The following CAPN8 variants were observed in gnomAD, a reference collection of about 807,000 sequenced individuals.
CAPN8 encodes the protein calpain 8, also known as calpain-8.
In CAPN8, 87 loss-of-function variants were observed where a neutral mutation model predicts 80.9. That is an observed-to-expected ratio of 1.07 (90% confidence interval 0.90 to 1.28). CAPN8 has a LOEUF of 1.28. CAPN8 is among the 50% of genes most tolerant of loss of function. The pLI is 0.00. For synonymous variants in CAPN8, 299 were observed against 273.8 expected (o/e 1.09, Z -0.91); for missense variants, 757 against 702.0 (o/e 1.08, Z -0.89).
chr1:223,612,810 T>C (rs1657065936), intron 10 of CAPN8, among the ~76,000 whole-genome samples: 1 of 152,142 alleles, frequency 6.6e-6, no homozygotes, highest in Non-Finnish European at 1.5e-5. Context: ...TATTAGGGAA[T>C]GAAGAAATCT....
intron 1 of CAPN8, among the ~76,000 whole-genome samples, chr1:223,656,676 GTTTTGTT>G (rs1163229346): frequency 2.3e-5 from 2 of 88,338 alleles, no homozygotes; most frequent in Non-Finnish European, 4.6e-5. Context: ...GGGTTTTTTT[GTTTTGTT>G]TTTTTTTTTT....
At chr1:223,634,568 T>C (rs1236668028) in intron 2 of CAPN8, among the ~76,000 whole-genome samples, 3 of 152,206 alleles carry the variant, frequency 2.0e-5, no homozygotes, top group Non-Finnish European at 1.5e-5. Flanking sequence ...ATACACTTGA[T>C]GCCTTAGAAA....
intron 1 of CAPN8, among the ~76,000 whole-genome samples, chr1:223,663,355 C>A (rs993476101): frequency 1.3e-5 from 2 of 152,158 alleles, no homozygotes; most frequent in Non-Finnish European, 2.9e-5. Flanking sequence ...TTCCTCTCCC[C>A]CAAGACCCTT....
chr1:223,541,661 A>T lies in CAPN8; in HGVS notation c.*175T>A. On this transcript the variant is annotated 3_prime_UTR_variant, in exon 21 of 21. Coordinates refer to ENST00000366872, the MANE Select transcript of CAPN8 (RefSeq NM_001143962.2). Reference sequence around the variant, plus strand: ...TGATTGCTTTCCCTCCACTGGGCCCACCGGGTCGGCTTACATAGCTCATAG... The same window carrying T: ...TGATTGCTTTCCCTCCACTGGGCCCTCCGGGTCGGCTTACATAGCTCATAG... The T allele has an allele frequency of 1.1e-6, 1 of 905,516 alleles. No individual in the cohort carries two copies. Among genetic ancestry groups the T allele is most frequent in the East Asian group, 2.7e-5 (1 of 37,678 alleles). The allele number at this position is 905,516 out of a possible 1,614,324, so 56.1% of individuals were successfully genotyped here.
chr1:223,619,511 A>C, intron 8 of CAPN8, 58 bp from the exon 9 acceptor site: 1 of 1,536,464 alleles, frequency 6.5e-7, no homozygotes, highest in South Asian at 1.2e-5. Context: ...GATTAAAGGC[A>C]CGCATACTGA....
At chr1:223,630,905 T>C (rs1439157221) in intron 2 of CAPN8, among the ~76,000 whole-genome samples, 1 of 152,076 alleles carries the variant, frequency 6.6e-6, no homozygotes, top group Non-Finnish European at 1.5e-5. Context: ...AGTGTCCTCC[T>C]CCCACCCAGC....
chr1:223,618,382 A>T, intron 9 of CAPN8: 3 of 1,463,146 alleles, frequency 2.1e-6, no homozygotes, highest in East Asian at 2.5e-5. Flanking sequence ...GCTTTGCACC[A>T]TACTATCTCC....
intron 7 of CAPN8, 167 bp downstream of exon 7, chr1:223,622,648 T>C: frequency 3.3e-6 from 2 of 614,828 alleles, no homozygotes; most frequent in Middle Eastern, 4.1e-4. Context: ...TTATTTTGCT[T>C]TTCCCAGCCT....
chr1:223,545,127 T>A, intron 17 of CAPN8, 104 bp downstream of exon 17: 1 of 1,530,196 alleles, frequency 6.5e-7, no homozygotes, highest in Admixed American at 2.0e-5. Context: ...GACTCAATAG[T>A]TTTGACCATG....
chr1:223,656,341 C>T (rs1312618701), intron 1 of CAPN8, among the ~76,000 whole-genome samples: 2 of 151,876 alleles, frequency 1.3e-5, no homozygotes, highest in East Asian at 3.9e-4. Flanking sequence ...TGGTGGTGCG[C>T]CCCCGTAATC....
chr1:223,627,941 TG>T, intron 4 of CAPN8, 67 bp downstream of exon 4: 1 of 1,449,956 alleles, frequency 6.9e-7, no homozygotes, highest in Non-Finnish European at 9.2e-7. Flanking sequence ...GAGGCAGACG[TG>T]GGAGGGACAG....
intron 6 of CAPN8, 49 bp from the exon 7 acceptor site, chr1:223,622,949 G>A: frequency 7.0e-7 from 1 of 1,432,354 alleles, no homozygotes; most frequent in African/African-American, 1.4e-5. Context: ...TGCTCCTGTT[G>A]CCTTGCAGGC....
At position 223,639,825 on chromosome 1, in the gene CAPN8, C is replaced by T. The variant is rs189670051; in HGVS notation, c.308-11045G>A. ...GGCTATTTAATGCCCATTTGCCAGA[C>T]AAGTAAAGCTGAGGCCCTGAGTTCA... is the stretch of plus-strand genomic sequence containing the variant. On this transcript the variant is annotated intron_variant, in intron 2 of 20. Transcript: ENST00000366872. 2.0e-5 allele frequency among the ~76,000 whole-genome samples: 3 copies of T among 152,350 alleles called. No homozygotes were observed. In the East Asian group the frequency reaches 5.8e-4, roughly 29 times the overall value.
intron 7 of CAPN8, 116 bp downstream of exon 7, chr1:223,622,699 T>C: frequency 1.2e-6 from 1 of 803,024 alleles, no homozygotes; most frequent in Non-Finnish European, 2.1e-6. Context: ...CTGTGTGATC[T>C]GCAGACAGGA....
chr1:223,664,284 A>T (rs900486106), intron 1 of CAPN8, among the ~76,000 whole-genome samples: 11 of 152,146 alleles, frequency 7.2e-5, no homozygotes, highest in African/African-American at 2.7e-4. Flanking sequence ...AATAATGTCA[A>T]TTCATGACCT....
intron 2 of CAPN8, among the ~76,000 whole-genome samples, chr1:223,645,417 C>T (rs572021875): frequency 1.2e-4 from 19 of 152,236 alleles, no homozygotes; most frequent in African/African-American, 4.3e-4. Context: ...AGTTGACACT[C>T]GGTATTAACC....
At chr1:223,631,367 T>C (rs1025977815) in intron 2 of CAPN8, among the ~76,000 whole-genome samples, 1 of 152,148 alleles carries the variant, frequency 6.6e-6, no homozygotes, top group Non-Finnish European at 1.5e-5. Context: ...CATTCATGCA[T>C]CAACTCCTTG....
At chr1:223,651,565 C>A (rs1658342029) in intron 2 of CAPN8, among the ~76,000 whole-genome samples, 1 of 152,216 alleles carries the variant, frequency 6.6e-6, no homozygotes, top group South Asian at 2.1e-4. Context: ...GAAGGGACAA[C>A]ACACAGCCCA....
chr1:223,556,823 TG>T (rs1656916537), intron 13 of CAPN8, among the ~76,000 whole-genome samples: 1 of 152,178 alleles, frequency 6.6e-6, no homozygotes, highest in African/African-American at 2.4e-5. Context: ...TACTCTACAC[TG>T]GCAAACCGCA....
Sources: gnomAD v4.1 joint callset for allele counts (sites outside exome capture counted in the v4.1 genomes callset) on GRCh38, gnomAD v4.1.1 for gene constraint, MANE v1.5 for transcripts, NCBI Gene and HGNC (gene_info 2026-07-23, HGNC 2026-07-21) for gene names.